The following FAT3 variants were observed in gnomAD, a reference collection of about 807,000 sequenced individuals.
The protein encoded by FAT3 is protocadherin Fat 3.
A neutral mutation model predicts 310.2 loss-of-function variants in FAT3; 95 were observed. The ratio of observed to expected loss-of-function variants is 0.31; its 90% CI spans 0.26 to 0.36. The LOEUF (loss-of-function observed/expected upper bound fraction) is 0.36. Ranked by LOEUF, FAT3 falls within the 10% of genes least tolerant of loss-of-function variation. FAT3 has a pLI of 1.00. For missense variants in FAT3, 5,408 were observed against 5,715.6 expected, an observed-to-expected ratio of 0.95 and a Z score of 1.74; for synonymous variants, 2,314 against 2,192.9, an observed-to-expected ratio of 1.06 and a Z score of -1.54.
At chr11:92,881,031 A>T (rs1159453798) in intron 23 of FAT3, 147 bp downstream of exon 23, 1 of 823,518 alleles carries the variant, frequency 1.2e-6, no homozygotes, top group Admixed American at 2.6e-5. Flanking sequence ...GAGTGCTTAC[A>T]GGTGACTAAA....
intron 2 of FAT3, among the ~76,000 whole-genome samples, chr11:92,380,739 G>A (rs1343311039): frequency 2.0e-5 from 3 of 152,096 alleles, no homozygotes; most frequent in East Asian, 1.9e-4. Context: ...TTCTATGAGT[G>A]GGTGCTGGAA....
chr11:92,292,448 C>G (rs373438278), intron 1 of FAT3, among the ~76,000 whole-genome samples: 1 of 151,988 alleles, frequency 6.6e-6, no homozygotes, highest in Non-Finnish European at 1.5e-5. Flanking sequence ...GAGACAGCTG[C>G]TTTTGTTTGT....
chr11:92,431,241 T>G (rs1413442218), intron 2 of FAT3, among the ~76,000 whole-genome samples: 1 of 152,232 alleles, frequency 6.6e-6, no homozygotes, highest in Non-Finnish European at 1.5e-5. Context: ...TGGTTTTGAT[T>G]TGCATTTCTC....
chr11:92,273,183 CA>C (rs1490813359), intron 1 of FAT3, among the ~76,000 whole-genome samples: 4 of 152,116 alleles, frequency 2.6e-5, no homozygotes, highest in Non-Finnish European at 5.9e-5. Context: ...CCAAATTTTA[CA>C]CCCCCTGCCA....
At chr11:92,796,152 TC>T (rs1361382448) in intron 9 of FAT3, among the ~76,000 whole-genome samples, 1 of 152,068 alleles carries the variant, frequency 6.6e-6, no homozygotes, top group Non-Finnish European at 1.5e-5. Flanking sequence ...TGAAGTGATT[TC>T]CCCTTATAAA....
chr11:92,308,999 A>C (rs1947216619), intron 1 of FAT3, among the ~76,000 whole-genome samples: 1 of 152,124 alleles, frequency 6.6e-6, no homozygotes, highest in African/African-American at 2.4e-5. Flanking sequence ...CCCCGGGACC[A>C]AAAGCTTTCT....
intron 3 of FAT3, among the ~76,000 whole-genome samples, chr11:92,571,663 A>G (rs1365022297): frequency 6.6e-6 from 1 of 152,184 alleles, no homozygotes; most frequent in Non-Finnish European, 1.5e-5. Flanking sequence ...TAGGTCTGGT[A>G]AGACTCGCAT....
In FAT3 at chr11:92,843,916, A is replaced by T; in HGVS notation, c.10567-18A>T. The T allele has an allele frequency of 1.3e-6, 2 of 1,566,338 alleles. No individual in the cohort carries two copies. The highest frequency in any genetic ancestry group is 1.7e-4 in the Middle Eastern group (1 of 5,808). On this transcript the variant is annotated intron_variant, in intron 18 of 27. Transcript: ENST00000525166. ...AGTTTTCTTCCTTTGTTGCCTTTTC[A>T]CCTCTTGGTTGTTTTAGGCAAAGGA...
At chr11:92,565,792 G>A (rs1168714098) in intron 3 of FAT3, among the ~76,000 whole-genome samples, 1 of 152,080 alleles carries the variant, frequency 6.6e-6, no homozygotes, top group Non-Finnish European at 1.5e-5. Flanking sequence ...AAAACCACAT[G>A]ATATCTCAAT....
At position 92,353,827 on chromosome 11, in the gene FAT3, A is replaced by G; in HGVS notation, c.1715A>G (p.Asn572Ser). Residue 572 changes from asparagine (N) to serine (S), a missense_variant, in exon 2 of 28, where the codon AAC becomes AGC. Asn to Ser is a conservative substitution (Grantham distance 46). Coordinates refer to ENST00000525166, the MANE Select transcript of FAT3 (RefSeq NM_001367949.2). Reference protein sequence around the residue: ...VNVTIRIGNVNDNSPLFEKVA... With the variant: ...VNVTIRIGNVSDNSPLFEKVA... ...GTGACTATTCGAATAGGAAATGTCA[A>G]CGACAACAGCCCTCTCTTTGAAAAA... The G allele has an allele frequency of 1.2e-6, 2 of 1,613,778 alleles. No individual in the cohort carries two copies. Among genetic ancestry groups the G allele is most frequent in the Non-Finnish European group, 1.7e-6 (2 of 1,179,790 alleles).
intron 4 of FAT3, among the ~76,000 whole-genome samples, chr11:92,703,499 T>C (rs1264178491): frequency 1.3e-5 from 2 of 152,226 alleles, no homozygotes; most frequent in African/African-American, 4.8e-5. Flanking sequence ...AATAGCAGCA[T>C]GGAGCAGGCA....
At chr11:92,286,168 A>G (rs1373359687) in intron 1 of FAT3, among the ~76,000 whole-genome samples, 1 of 152,110 alleles carries the variant, frequency 6.6e-6, no homozygotes, top group African/African-American at 2.4e-5. Context: ...GGGGATACAC[A>G]TTGCCAGTGA....
In FAT3 at chr11:92,895,832, T is replaced by A. The variant is rs1429971990; in HGVS notation, c.*4719T>A. On this transcript the variant is annotated 3_prime_UTR_variant, in exon 28 of 28. Transcript: ENST00000525166. The stretch of plus-strand genomic sequence containing the variant: ...TTCCAGGCTTTTGTAGATACTATAT[T>A]TGATGCCTATCAGGATGCTTTAATT... 1 of 152,158 alleles carries A rather than the reference T, an allele frequency of 6.6e-6. No homozygotes were observed. Among genetic ancestry groups the A allele is most frequent in the Non-Finnish European group, 1.5e-5 (1 of 68,018 alleles). The allele number at this position is 152,158 out of a possible 1,614,324, so 9.4% of individuals were successfully genotyped here.
intron 13 of FAT3, among the ~76,000 whole-genome samples, chr11:92,810,544 T>A (rs1302130191): frequency 6.6e-6 from 1 of 152,224 alleles, no homozygotes; most frequent in East Asian, 1.9e-4. Flanking sequence ...TGCCCCGTAG[T>A]GCAAAGACTA....
At position 92,353,838 on chromosome 11, in the gene FAT3, C is replaced by T. The variant is rs1387297791; in HGVS notation, c.1726C>T (p.Pro576Ser). ...IRIGNVNDNSPLFEKVACQGV... is the reference protein window; with the variant it reads ...IRIGNVNDNSSLFEKVACQGV... ...AATAGGAAATGTCAACGACAACAGCCCTCTCTTTGAAAAAGTGGCTTGCCA... is the reference window on the plus strand; with the variant it reads ...AATAGGAAATGTCAACGACAACAGCTCTCTCTTTGAAAAAGTGGCTTGCCA... The change falls in exon 2 of 28, where the codon CCT (proline) becomes TCT (serine). Residue 576 changes from proline to serine, a missense_variant. Coordinates refer to ENST00000525166, the MANE Select transcript of FAT3 (RefSeq NM_001367949.2). 2 of 1,613,662 alleles carry T rather than the reference C, an allele frequency of 1.2e-6. No homozygotes were observed. The highest frequency in any genetic ancestry group is 1.7e-6 in the Non-Finnish European group (2 of 1,179,782).
At chr11:92,581,061 T>C (rs1256668179) in intron 3 of FAT3, among the ~76,000 whole-genome samples, 1 of 152,066 alleles carries the variant, frequency 6.6e-6, no homozygotes, top group Admixed American at 6.6e-5. Context: ...AGCTGTTGGC[T>C]TCGTTTTCCA....
At chr11:92,706,767 A>C (rs1417991997) in intron 4 of FAT3, among the ~76,000 whole-genome samples, 1 of 152,236 alleles carries the variant, frequency 6.6e-6, no homozygotes, top group Admixed American at 6.5e-5. Context: ...GTCTTTAAAA[A>C]TGTACCCATC....
chr11:92,382,131 A>G (rs1949508935), intron 2 of FAT3, among the ~76,000 whole-genome samples: 1 of 152,140 alleles, frequency 6.6e-6, no homozygotes, highest in African/African-American at 2.4e-5. Context: ...CAGGAGCTGG[A>G]TTTTCCTTTG....
In FAT3 at chr11:92,244,390, C is replaced by T. The variant is rs891919178; in HGVS notation, c.-18+19216C>T. Among the ~76,000 whole-genome samples, 58 of 152,182 alleles carry T rather than the reference C, an allele frequency of 3.8e-4. 1 individual carries two copies. Among genetic ancestry groups the T allele is most frequent in the Non-Finnish European group, 1.0e-4 (7 of 67,976 alleles). On this transcript the variant is annotated intron_variant, in intron 1 of 27. Transcript: ENST00000525166. ...GCACAAGTATGTCCCAAATGTTGCA[C>T]GAGACATATTTTATCTGGCAACTTG...
Sources: allele counts gnomAD v4.1 joint callset (sites outside exome capture counted in the v4.1 genomes callset), GRCh38; gene constraint gnomAD v4.1.1; transcripts MANE v1.5; gene names NCBI Gene and HGNC (gene_info 2026-07-23, HGNC 2026-07-21).